The following RBFOX1 variants were observed in gnomAD, a reference collection of about 807,000 sequenced individuals.
RBFOX1 encodes RNA binding fox-1 homolog 1.
RBFOX1 carries 8 observed loss-of-function variants against 57.7 expected under a neutral mutation model. That is an observed-to-expected ratio of 0.14 (90% CI 0.08 to 0.25). The LOEUF is 0.25. Ranked by LOEUF, RBFOX1 falls within the 10% of genes least tolerant of loss-of-function variation. RBFOX1 has a pLI of 1.00. For missense variants in RBFOX1, 611 were observed against 548.5 expected (o/e 1.11, Z -1.14); for synonymous variants, 326 against 222.4 (o/e 1.47, Z -4.15).
chr16:5,298,528 TTCCTCTCCCC>T (rs2063726767), intron 1 of RBFOX1, among the ~76,000 whole-genome samples: 1 of 13,058 alleles, frequency 7.7e-5, no homozygotes, highest in African/African-American at 5.1e-4. Flanking sequence ...CTCCCCTCCC[TTCCTCTCCCC>T]TCCCTTCCCC....
intron 4 of RBFOX1, among the ~76,000 whole-genome samples, chr16:7,387,059 A>T (rs1183544338): frequency 2.6e-5 from 4 of 152,096 alleles, no homozygotes; most frequent in Non-Finnish European, 4.4e-5. Context: ...TCCTTTGCCC[A>T]CTTTTTGATG....
intron 3 of RBFOX1, among the ~76,000 whole-genome samples, chr16:6,685,271 T>G (rs1439317290): frequency 9.4e-6 from 1 of 106,006 alleles, no homozygotes; most frequent in Non-Finnish European, 2.0e-5. Flanking sequence ...GGGAGAGTTT[T>G]TCTTTTTTTT....
intron 14 of RBFOX1, among the ~76,000 whole-genome samples, chr16:7,706,103 A>G (rs143260719): frequency 1.2e-4 from 19 of 152,254 alleles, no homozygotes; most frequent in South Asian, 6.2e-4. Flanking sequence ...CGTGCTTGGC[A>G]TATCTGCTGC....
At chr16:6,972,841 G>A (rs535000912) in intron 3 of RBFOX1, among the ~76,000 whole-genome samples, 1 of 152,124 alleles carries the variant, frequency 6.6e-6, no homozygotes, top group Non-Finnish European at 1.5e-5. Context: ...CAGAGACAAG[G>A]GGCCGGATGC....
intron 1 of RBFOX1, among the ~76,000 whole-genome samples, chr16:5,459,895 A>G (rs967814489): frequency 4.0e-5 from 6 of 151,128 alleles, no homozygotes; most frequent in African/African-American, 1.5e-4. Context: ...CCTTCCAACA[A>G]CACCTTAATC....
At chr16:5,376,360 G>A in intron 1 of RBFOX1, among the ~76,000 whole-genome samples, 1 of 152,020 alleles carries the variant, frequency 6.6e-6, no homozygotes, top group Non-Finnish European at 1.5e-5. Context: ...TGTTGGGACA[G>A]GAGCTCAGGT....
At chr16:6,425,589 T>C (rs1269304311) in intron 2 of RBFOX1, among the ~76,000 whole-genome samples, 1 of 151,978 alleles carries the variant, frequency 6.6e-6, no homozygotes, top group Non-Finnish European at 1.5e-5. Context: ...ATCTACTGTA[T>C]GTGGTTTATC....
At chr16:5,312,525 C>G (rs927347363) in intron 1 of RBFOX1, among the ~76,000 whole-genome samples, 1 of 152,122 alleles carries the variant, frequency 6.6e-6, no homozygotes, top group Non-Finnish European at 1.5e-5. Flanking sequence ...CCATCTTGGC[C>G]AGGCTGGTCT....
intron 3 of RBFOX1, among the ~76,000 whole-genome samples, chr16:5,748,574 A>G (rs1179126381): frequency 2.6e-5 from 4 of 152,082 alleles, no homozygotes. Context: ...GTGCATATAT[A>G]TTTAGGATAG....
intron 3 of RBFOX1, among the ~76,000 whole-genome samples, chr16:6,864,761 A>T (rs2059613728): frequency 6.6e-6 from 1 of 152,028 alleles, no homozygotes; most frequent in African/African-American, 2.4e-5. Flanking sequence ...TGTATTTTTA[A>T]GTGTCTTTTT....
intron 2 of RBFOX1, among the ~76,000 whole-genome samples, chr16:6,427,666 T>C (rs2093968617): frequency 6.6e-6 from 1 of 152,236 alleles, no homozygotes; most frequent in Non-Finnish European, 1.5e-5. Flanking sequence ...TGTATTACCA[T>C]TATGATATAA....
intron 14 of RBFOX1, among the ~76,000 whole-genome samples, chr16:7,682,528 A>C (rs2075025521): frequency 1.3e-5 from 2 of 151,140 alleles, no homozygotes; most frequent in Non-Finnish European, 1.5e-5. Flanking sequence ...GCTTTGAAGA[A>C]GCTGTTCTTG....
At chr16:7,455,124 A>C (rs911863688) in intron 4 of RBFOX1, among the ~76,000 whole-genome samples, 1 of 152,216 alleles carries the variant, frequency 6.6e-6, no homozygotes, top group Admixed American at 6.5e-5. Flanking sequence ...TTGAAGCCTC[A>C]GATTGCATCT....
chr16:6,854,811 G>T (rs2057517881), intron 3 of RBFOX1, among the ~76,000 whole-genome samples: 1 of 151,944 alleles, frequency 6.6e-6, no homozygotes, highest in Admixed American at 6.6e-5. Flanking sequence ...AGCCAGGATG[G>T]TCTGCATCTC....
intron 4 of RBFOX1, among the ~76,000 whole-genome samples, chr16:7,249,264 T>A (rs1202073403): frequency 6.6e-6 from 1 of 152,194 alleles, no homozygotes; most frequent in East Asian, 1.9e-4. Context: ...CTCTTCATTG[T>A]CTTTTTCTTT....
At chr16:5,461,716 C>G (rs576599658) in intron 1 of RBFOX1, among the ~76,000 whole-genome samples, 6 of 152,056 alleles carry the variant, frequency 3.9e-5, no homozygotes, top group Non-Finnish European at 8.8e-5. Context: ...CCTAATGAAA[C>G]AGTGTAGTGA....
intron 10 of RBFOX1, among the ~76,000 whole-genome samples, chr16:7,627,132 T>C (rs2060196792): frequency 6.6e-6 from 1 of 150,530 alleles, no homozygotes; most frequent in Non-Finnish European, 1.5e-5. Context: ...TCCTTTTTTT[T>C]TTTTTTTCTT....
intron 3 of RBFOX1, among the ~76,000 whole-genome samples, chr16:5,625,296 G>A (rs955893521): frequency 9.2e-5 from 14 of 152,054 alleles, no homozygotes; most frequent in Non-Finnish European, 1.8e-4. Flanking sequence ...AATGAATGAT[G>A]CAATGGAGTC....
chr16:5,823,364 T>C (rs2055922706), intron 3 of RBFOX1, among the ~76,000 whole-genome samples: 1 of 152,166 alleles, frequency 6.6e-6, no homozygotes. Flanking sequence ...TCCTGCCTCT[T>C]GGAACTAATG....
Sources: gnomAD v4.1 joint callset for allele counts (sites outside exome capture counted in the v4.1 genomes callset) on GRCh38, gnomAD v4.1.1 for gene constraint, MANE v1.5 for transcripts, NCBI Gene and HGNC (gene_info 2026-07-23, HGNC 2026-07-21) for gene names.